GK2: variants seen among roughly 807,000 people sequenced by gnomAD.
GK2 encodes glycerol kinase 2, also known as ATP:glycerol 3-phosphotransferase 2.
A neutral mutation model predicts 9.5 loss-of-function variants in GK2; 10 were observed. That is an observed-to-expected ratio of 1.05 (90% CI 0.65 to 1.78). GK2 has a LOEUF of 1.78. Among genes scored for constraint, GK2 ranks in the 40% most tolerant of loss-of-function variants. GK2 has a pLI of 0.00. For missense variants in GK2, 643 were observed against 669.0 expected (o/e 0.96, Z 0.43); for synonymous variants, 228 against 229.9 (o/e 0.99, Z 0.07).
chr4:79,407,809 G>C lies in GK2; in HGVS notation c.392C>G (p.Pro131Arg). 1 of 1,614,092 alleles carries C rather than the reference G, an allele frequency of 6.2e-7. No homozygotes were observed. ...TTVEDLSKKIPGNSNFVKSKT... is the reference protein window; with the variant it reads ...TTVEDLSKKIRGNSNFVKSKT... ...AGACTTGACGAAGTTACTATTTCCT[G>C]GAATTTTTTTACTAAGATCCTCAAC... is the stretch of plus-strand genomic sequence containing the variant. Residue 131 changes from proline to arginine, a missense_variant, in exon 1 of 1, where the codon CCA (proline) becomes CGA (arginine). Physicochemically the swap from Pro to Arg is moderately radical, Grantham distance 103. Coordinates refer to ENST00000358842, the MANE Select transcript of GK2 (RefSeq NM_033214.3).
rs369052621 is a variant in GK2, at chr4:79,408,101, C to T, written c.100G>A (p.Glu34Lys). The change falls in exon 1 of 1, where the codon GAA becomes AAA. Residue 34 changes from glutamate to lysine, a missense_variant. Physicochemically the swap from Glu to Lys is moderately conservative, Grantham distance 56 (BLOSUM62 1). Transcript: ENST00000358842. ...TCCACTTTGTGATGACTAAGTAGTT[C>T]CGCTGTTTTTGAATTGAAAACCAGA... ...RFLVFNSKTA[E>K]LLSHHKVELT... The T allele has an allele frequency of 3.0e-5, 48 of 1,614,038 alleles. No individual in the cohort carries two copies. The African/African-American group carries it at 6.3e-4, about 21-fold the overall frequency.
In GK2 at chr4:79,408,176, C is replaced by A. The variant is rs1725898438; in HGVS notation, c.25G>T (p.Val9Leu). 1.2e-6 allele frequency: 2 copies of A among 1,603,556 alleles called. No individual in the cohort carries two copies. Among genetic ancestry groups the A allele is most frequent in the South Asian group, 2.2e-5 (2 of 89,490 alleles). The change falls in exon 1 of 1, where the codon GTG (valine) becomes TTG (leucine). Residue 9 changes from valine to leucine, a missense_variant. Transcript: ENST00000358842. MAAPKTAAVGPLVGAVVQG... is the reference protein window; with the variant it reads MAAPKTAALGPLVGAVVQG... ...ACCACCGCTCCCACCAACGGCCCCA[C>A]AGCTGCTGTCTTTGGGGCTGCCATG...
In GK2 at chr4:79,406,654, C is replaced by T; in HGVS notation, c.1547G>A (p.Ser516Asn). 1 of 1,613,974 alleles carries T rather than the reference C, an allele frequency of 6.2e-7. No individual in the cohort carries two copies. Among genetic ancestry groups the T allele is most frequent in the Non-Finnish European group, 8.5e-7 (1 of 1,179,790 alleles). ...AVMKSMGWVT[S>N]QSPEGGDPSI... ...AGGATCACCACCTTCAGGAGACTGA[C>T]TGGTAACCCAACCCATTGACTTCAT... Residue 516 changes from serine to asparagine, a missense_variant, in exon 1 of 1, where the codon AGT becomes AAT. Physicochemically the swap from Ser to Asn is conservative, Grantham distance 46. Coordinates refer to ENST00000358842, the MANE Select transcript of GK2 (RefSeq NM_033214.3).
At position 79,406,807 on chromosome 4, in the gene GK2, G is replaced by A; in HGVS notation, c.1394C>T (p.Ala465Val). Residue 465 changes from alanine to valine, a missense_variant, in exon 1 of 1, where the codon GCT becomes GTT. Coordinates refer to ENST00000358842, the MANE Select transcript of GK2 (RefSeq NM_033214.3). ...TALGAAMAAGAAEGVSVWSLE... is the reference protein window; with the variant it reads ...TALGAAMAAGVAEGVSVWSLE... ...GCTCCAAACGCTTACTCCCTCTGCAGCCCCTGCTGCCATGGCAGCTCCTAG... is the reference window on the plus strand; with the variant it reads ...GCTCCAAACGCTTACTCCCTCTGCAACCCCTGCTGCCATGGCAGCTCCTAG... 6.2e-7 allele frequency: 1 copy of A among 1,614,200 alleles called. No individual in the cohort carries two copies. The highest frequency in any genetic ancestry group is 8.5e-7 in the Non-Finnish European group (1 of 1,180,030).
In GK2 at chr4:79,408,101, C is replaced by A; in HGVS notation, c.100G>T (p.Glu34Ter). ...TCCACTTTGTGATGACTAAGTAGTT[C>A]CGCTGTTTTTGAATTGAAAACCAGA... Reference protein sequence around the residue: ...RFLVFNSKTAELLSHHKVELT... With the variant: ...RFLVFNSKTA Residue 34 changes from glutamate (E) to a stop codon, truncating the protein, a stop_gained, in exon 1 of 1, where the codon GAA becomes TAA. Coordinates refer to ENST00000358842, the MANE Select transcript of GK2 (RefSeq NM_033214.3). LOFTEE classifies it low-confidence loss of function (END_TRUNC). 6.2e-7 allele frequency: 1 copy of A among 1,614,156 alleles called. No homozygotes were observed.
rs766390472 is a variant in GK2, at chr4:79,406,764, C to G, written c.1437G>C (p.Leu479Phe). 6 of 1,614,086 alleles carry G rather than the reference C, an allele frequency of 3.7e-6. No individual in the cohort carries two copies. The highest frequency in any genetic ancestry group is 5.1e-6 in the Non-Finnish European group (6 of 1,180,040). The change falls in exon 1 of 1, where the codon TTG becomes TTC. Residue 479 changes from leucine to phenylalanine, a missense_variant. Leu to Phe is a conservative substitution (Grantham distance 22, BLOSUM62 0). Coordinates refer to ENST00000358842, the MANE Select transcript of GK2 (RefSeq NM_033214.3). ...VSVWSLEPQA[L>F]SVLRMERFEP... Reference sequence around the variant, plus strand: ...CAAATCGTTCCATCCTGAGAACTGACAAAGCCTGGGGTTCAAGGCTCCAAA... The same window carrying G: ...CAAATCGTTCCATCCTGAGAACTGAGAAAGCCTGGGGTTCAAGGCTCCAAA...
In GK2 at chr4:79,406,986, TC is replaced by T. The variant is rs777466796; in HGVS notation, c.1214del (p.Arg405GlnfsTer7). ...CACGGTTCATGGCTTCCAAAATCTC[TC>T]GGGTTTGGAAACAAACAGCTTCTAA... ...AALEAVCFQT[R>X]EILEAMNRDC... On this transcript the variant is annotated frameshift_variant, in exon 1 of 1. Coordinates refer to ENST00000358842, the MANE Select transcript of GK2 (RefSeq NM_033214.3). LOFTEE classifies it low-confidence loss of function (END_TRUNC). The T allele has an allele frequency of 1.2e-6, 2 of 1,614,194 alleles. No homozygotes were observed. Among genetic ancestry groups the T allele is most frequent in the Admixed American group, 3.3e-5 (2 of 60,030 alleles).
At position 79,406,957 on chromosome 4, in the gene GK2, C is replaced by T. The variant is rs1469340935; in HGVS notation, c.1244G>A (p.Cys415Tyr). ...CTGCAAATGACGAAGTGGAATTCCA[C>T]AGTCACGGTTCATGGCTTCCAAAAT... ...REILEAMNRDCGIPLRHLQVD... is the reference protein window; with the variant it reads ...REILEAMNRDYGIPLRHLQVD... Residue 415 changes from cysteine (C) to tyrosine (Y), a missense_variant, in exon 1 of 1, where the codon TGT becomes TAT. Transcript: ENST00000358842. 7 of 1,614,062 alleles carry T rather than the reference C, an allele frequency of 4.3e-6. No individual in the cohort carries two copies. The highest frequency in any genetic ancestry group is 5.9e-6 in the Non-Finnish European group (7 of 1,180,028).
chr4:79,407,711 C>A lies in GK2; in HGVS notation c.490G>T (p.Val164Phe), dbSNP rs371517980. 6.2e-7 allele frequency: 1 copy of A among 1,614,168 alleles called. No homozygotes were observed. The highest frequency in any genetic ancestry group is 8.5e-7 in the Non-Finnish European group (1 of 1,180,006). Residue 164 changes from valine (V) to phenylalanine (F), a missense_variant, in exon 1 of 1, where the codon GTC (valine) becomes TTC (phenylalanine). By Grantham distance (50) the Val-to-Phe change is conservative. Transcript: ENST00000358842. ...CTACCTTCTTCAACAGCCTTTTGGA[C>A]GTTTCTCACATTGTCAAGCATCCAA... Reference protein sequence around the residue: ...LRWMLDNVRNVQKAVEEGRAL... With the variant: ...LRWMLDNVRNFQKAVEEGRAL...
Position 79,406,715 on chromosome 4 carries a change from T to G in GK2, c.1486A>C (p.Ser496Arg). 1 of 1,614,210 alleles carries G rather than the reference T, an allele frequency of 6.2e-7. No homozygotes were observed. ...TTCCATGTGGCATAACGAATTTCAC[T>G]TTCTGTGGCCTGGATCTGTGGTTCA... Reference protein sequence around the residue: ...RFEPQIQATESEIRYATWKKA... With the variant: ...RFEPQIQATEREIRYATWKKA... Residue 496 changes from serine (S) to arginine (R), a missense_variant, in exon 1 of 1, where the codon AGT becomes CGT. Transcript: ENST00000358842.
rs779656638 is a variant in GK2 at position 79,406,933 on chromosome 4, T to C, written c.1268A>G (p.Gln423Arg). Residue 423 changes from glutamine (Q) to arginine (R), a missense_variant, in exon 1 of 1, where the codon CAG becomes CGG. By Grantham distance (43) the Gln-to-Arg change is conservative (BLOSUM62 1). Transcript: ENST00000358842. ...GTTGTTGGTCATTCCTCCATCTACC[T>C]GCAAATGACGAAGTGGAATTCCACA... ...RDCGIPLRHL[Q>R]VDGGMTNNKV... The C allele has an allele frequency of 6.2e-7, 1 of 1,614,128 alleles. No homozygotes were observed. The highest frequency in any genetic ancestry group is 1.3e-5 in the African/African-American group (1 of 74,952).
At position 79,406,469 on chromosome 4, in the gene GK2, A is replaced by C; in HGVS notation, c.*70T>G. Reference sequence around the variant, plus strand: ...GAGTCTATAATAGTGTCATTATATTAAGAGGCAGAACTGCTATATGCTTTC... The same window carrying C: ...GAGTCTATAATAGTGTCATTATATTCAGAGGCAGAACTGCTATATGCTTTC... On this transcript the variant is annotated 3_prime_UTR_variant, in exon 1 of 1. Coordinates refer to ENST00000358842, the MANE Select transcript of GK2 (RefSeq NM_033214.3). 1 of 896,048 alleles carries C rather than the reference A, an allele frequency of 1.1e-6. No homozygotes were observed. The highest frequency in any genetic ancestry group is 1.7e-5 in the South Asian group (1 of 60,584). 55.5% of individuals were successfully genotyped at this position (896,048 alleles called of 1,614,324 possible). A position where few individuals can be genotyped will look rare whatever the true frequency, so the allele number is the denominator to read the frequency against.
At position 79,406,575 on chromosome 4, in the gene GK2, C is replaced by T; in HGVS notation, c.1626G>A (p.Met542Ile). Residue 542 changes from methionine to isoleucine, a missense_variant, in exon 1 of 1, where the codon ATG becomes ATA. Physicochemically the swap from Met to Ile is conservative, Grantham distance 10. Coordinates refer to ENST00000358842, the MANE Select transcript of GK2 (RefSeq NM_033214.3). ...LGFFIVSSMV[M>I]LIGARYISGV... The stretch of plus-strand genomic sequence containing the variant: ...CCGAGATATATCTTGCTCCAATTAG[C>T]ATTACCATGCTACTCACTATAAAAA... 6.2e-7 allele frequency: 1 copy of T among 1,613,274 alleles called. No individual in the cohort carries two copies. Among genetic ancestry groups the T allele is most frequent in the Non-Finnish European group, 8.5e-7 (1 of 1,179,242 alleles).
Position 79,406,705 on chromosome 4 carries a change from C to A in GK2, c.1496G>T (p.Arg499Leu). 1 of 1,614,190 alleles carries A rather than the reference C, an allele frequency of 6.2e-7. No homozygotes were observed. Among genetic ancestry groups the A allele is most frequent in the South Asian group, 1.1e-5 (1 of 91,080 alleles). ...TACGGCTTTCTTCCATGTGGCATAA[C>A]GAATTTCACTTTCTGTGGCCTGGAT... ...PQIQATESEI[R>L]YATWKKAVMK... The change falls in exon 1 of 1, where the codon CGT (arginine) becomes CTT (leucine). Residue 499 changes from arginine to leucine, a missense_variant. Coordinates refer to ENST00000358842, the MANE Select transcript of GK2 (RefSeq NM_033214.3).
chr4:79,407,521 A>G lies in GK2; in HGVS notation c.680T>C (p.Met227Thr), dbSNP rs747256111. 6.8e-6 allele frequency: 11 copies of G among 1,614,062 alleles called. No individual in the cohort carries two copies. The highest frequency in any genetic ancestry group is 4.2e-6 in the Non-Finnish European group (5 of 1,180,014). ...KELCDFFEIP[M>T]DLLPNVFSSS... ...ACTGAAGACATTTGGAAGAAGGTCC[A>G]TTGGAATTTCAAAAAAGTCACAGAG... Residue 227 changes from methionine (M) to threonine (T), a missense_variant, in exon 1 of 1, where the codon ATG becomes ACG. By Grantham distance (81) the Met-to-Thr change is moderately conservative. Coordinates refer to ENST00000358842, the MANE Select transcript of GK2 (RefSeq NM_033214.3).
At position 79,407,345 on chromosome 4, in the gene GK2, G is replaced by A. The variant is rs1467590115; in HGVS notation, c.856C>T (p.Leu286=). ...ACACATTTACGACCCGTATTACACAGTAAGAAGCAACCTGTTCCATAGGTG... is the reference window on the plus strand; with the variant it reads ...ACACATTTACGACCCGTATTACACAATAAGAAGCAACCTGTTCCATAGGTG... ...KNTYGTGCFL[L]CNTGRKCVFS... is the part of the protein sequence containing the mutation. The change falls in exon 1 of 1, where the codon CTG becomes TTG. Residue 286 remains leucine, a synonymous_variant. Transcript: ENST00000358842. The A allele has an allele frequency of 1.9e-6, 3 of 1,614,194 alleles. No individual in the cohort carries two copies. The highest frequency in any genetic ancestry group is 3.3e-5 in the Admixed American group (2 of 60,028).
chr4:79,408,089 G>C lies in GK2; in HGVS notation c.112C>G (p.His38Asp). The stretch of plus-strand genomic sequence containing the variant: ...TCTTGTGTTAATTCCACTTTGTGAT[G>C]ACTAAGTAGTTCCGCTGTTTTTGAA... ...FNSKTAELLS[H>D]HKVELTQEFP... The change falls in exon 1 of 1, where the codon CAT (histidine) becomes GAT (aspartate). Residue 38 changes from histidine (H) to aspartate (D), a missense_variant. Transcript: ENST00000358842. The C allele has an allele frequency of 6.2e-7, 1 of 1,613,918 alleles. No individual in the cohort carries two copies. Among genetic ancestry groups the C allele is most frequent in the Non-Finnish European group, 8.5e-7 (1 of 1,179,784 alleles).
In GK2 at chr4:79,407,636, C is replaced by T. The variant is rs762961513; in HGVS notation, c.565G>A (p.Gly189Arg). Residue 189 changes from glycine to arginine, a missense_variant, in exon 1 of 1, where the codon GGA becomes AGA. Transcript: ENST00000358842. ...DSWLIWSLTG[G>R]VNGGVHCTDV... ...GTACAATGCACGCCTCCATTAACTC[C>T]TCCTGTCAAACTCCAGATAAGCCAT... The T allele has an allele frequency of 6.2e-7, 1 of 1,614,166 alleles. No homozygotes were observed. The highest frequency in any genetic ancestry group is 1.1e-5 in the South Asian group (1 of 91,084).
chr4:79,407,450 C>T lies in GK2; in HGVS notation c.751G>A (p.Val251Met). The T allele has an allele frequency of 6.2e-7, 1 of 1,614,184 alleles. No individual in the cohort carries two copies. The highest frequency in any genetic ancestry group is 8.5e-7 in the Non-Finnish European group (1 of 1,180,040). Residue 251 changes from valine (V) to methionine (M), a missense_variant, in exon 1 of 1, where the codon GTG (valine) becomes ATG (methionine). Transcript: ENST00000358842. ...GLIKTGALEG[V>M]PISGCLGDQC... ...TCCCCCAAACACCCAGATATTGGCA[C>T]ACCTTCCAGGGCTCCAGTTTTAATT...
Sources: gnomAD v4.1 joint callset for allele counts on GRCh38, gnomAD v4.1.1 for gene constraint, MANE v1.5 for transcripts, NCBI Gene and HGNC (gene_info 2026-07-23, HGNC 2026-07-21) for gene names.